The following ARID1B variants were observed in gnomAD, a reference collection of about 807,000 sequenced individuals.
ARID1B encodes the protein AT-rich interaction domain 1B, also known as AT-rich interactive domain-containing protein 1B.
A neutral mutation model predicts 212.3 loss-of-function variants in ARID1B; 30 were observed. That is an observed-to-expected ratio of 0.14 (90% confidence interval 0.11 to 0.19). The LOEUF (loss-of-function observed/expected upper bound fraction) is 0.19, where lower values mean the gene tolerates loss of function less well. Among genes scored for constraint, ARID1B ranks in the 10% least tolerant of loss-of-function variants. The pLI is 1.00. For missense variants in ARID1B, 2,891 were observed against 3,204.0 expected, an observed-to-expected ratio of 0.90 and a Z score of 2.36; for synonymous variants, 1,402 against 1,301.7, an observed-to-expected ratio of 1.08 and a Z score of -1.66.
rs754167205 is a variant in ARID1B at position 156,829,305 on chromosome 6, C to G, written c.1870C>G (p.Gln624Glu). The G allele has an allele frequency of 6.2e-7, 1 of 1,614,124 alleles. No homozygotes were observed. Among genetic ancestry groups the G allele is most frequent in the Non-Finnish European group, 8.5e-7 (1 of 1,180,050 alleles). The change falls in exon 2 of 20, where the codon CAG becomes GAG. Residue 624 changes from glutamine (Q) to glutamate (E), a missense_variant. Around this residue, in one of 7 missense-constraint regions of ARID1B, gnomAD observed 1,643 missense variants for 1,544.0 expected, o/e 1.06. Coordinates refer to ENST00000636930, the MANE Select transcript of ARID1B (RefSeq NM_001374828.1). ...MGSNPHSQPQ[Q>E]SSPYPGGSYG... ...CAGTAACCCTCATTCTCAGCCTCAG[C>G]AGAGCAGTCCGTACCCAGGAGGTTC...
chr6:156,867,737 A>AT (rs1785809680), intron 2 of ARID1B, among the ~76,000 whole-genome samples: 5 of 152,172 alleles, frequency 3.3e-5, no homozygotes, highest in Admixed American at 3.3e-4. Context: ...AAAAAATGTC[A>AT]TTTTACCTTA....
intron 4 of ARID1B, among the ~76,000 whole-genome samples, chr6:156,994,117 T>TC (rs1778436341): frequency 6.6e-6 from 1 of 152,190 alleles, no homozygotes; most frequent in Non-Finnish European, 1.5e-5. Context: ...GCTTTTTCCA[T>TC]AAGTACATTT....
chr6:156,790,310 G>A (rs1165826465), intron 1 of ARID1B, among the ~76,000 whole-genome samples: 1 of 152,188 alleles, frequency 6.6e-6, no homozygotes, highest in Non-Finnish European at 1.5e-5. Context: ...GAAAATATTT[G>A]TAAATTGTTA....
In ARID1B at chr6:157,196,238, A is replaced by G. The variant is rs367653751; in HGVS notation, c.4305A>G (p.Gln1435=). 15 of 1,613,364 alleles carry G rather than the reference A, an allele frequency of 9.3e-6. No homozygotes were observed. Among genetic ancestry groups the G allele is most frequent in the Non-Finnish European group, 1.3e-5 (15 of 1,179,846 alleles). ...PNSSMQDMYN[Q]SPSGAMSNLG... is the part of the protein sequence containing the mutation. ...GCAGCATGCAGGACATGTACAACCA[A>G]AGTCCCTCCGGAGCAATGTCTAACC... The change falls in exon 16 of 20, where the codon CAA becomes CAG. Residue 1435 remains glutamine, a synonymous_variant. Coordinates refer to ENST00000636930, the MANE Select transcript of ARID1B (RefSeq NM_001374828.1).
At chr6:157,024,980 C>T (rs924789264) in intron 4 of ARID1B, among the ~76,000 whole-genome samples, 27 of 152,296 alleles carry the variant, frequency 1.8e-4, no homozygotes, top group African/African-American at 6.0e-4. Context: ...CTTGTACAGA[C>T]GATTTCACCA....
At chr6:156,921,476 C>T (rs1562485904) in intron 3 of ARID1B, among the ~76,000 whole-genome samples, 2 of 146,346 alleles carry the variant, frequency 1.4e-5, no homozygotes, top group African/African-American at 5.4e-5. Context: ...CACACACACA[C>T]ACACACACAC....
chr6:157,016,178 T>A (rs1779908817), intron 4 of ARID1B, among the ~76,000 whole-genome samples: 1 of 152,230 alleles, frequency 6.6e-6, no homozygotes, highest in African/African-American at 2.4e-5. Context: ...CCCCTTTTAA[T>A]GCTTTGTGCT....
At chr6:156,889,191 A>C (rs1787741828) in intron 2 of ARID1B, among the ~76,000 whole-genome samples, 1 of 152,230 alleles carries the variant, frequency 6.6e-6, no homozygotes, top group African/African-American at 2.4e-5. Flanking sequence ...TACACTGGAA[A>C]TATGCTATTT....
chr6:157,105,645 A>C (rs1025232938), intron 5 of ARID1B, among the ~76,000 whole-genome samples: 18 of 152,178 alleles, frequency 1.2e-4, no homozygotes, highest in African/African-American at 4.1e-4. Flanking sequence ...TCTGTCGCCC[A>C]GGCTGGAGTG....
chr6:157,138,766 T>G lies in ARID1B; in HGVS notation c.2761+5559T>G, dbSNP rs565546307. Among the ~76,000 whole-genome samples, 127 of 152,094 alleles carry G rather than the reference T, an allele frequency of 8.4e-4. No homozygotes were observed. The South Asian group carries it at 1.0e-2, about 12-fold the overall frequency. On this transcript the variant is annotated intron_variant, in intron 7 of 19. Transcript: ENST00000636930. Reference sequence around the variant, plus strand: ...TGATGCACTTGATAAGGCCACAGCTTCTTCTTATCTTAACCTTGTTTTTTG... The same window carrying G: ...TGATGCACTTGATAAGGCCACAGCTGCTTCTTATCTTAACCTTGTTTTTTG...
At chr6:156,981,229 C>G (rs1006647009) in intron 4 of ARID1B, among the ~76,000 whole-genome samples, 3 of 152,114 alleles carry the variant, frequency 2.0e-5, no homozygotes, top group Non-Finnish European at 4.4e-5. Context: ...TGATTGATGT[C>G]TTTCTTTTGA....
At chr6:157,108,307 CTT>C (rs1359805024) in intron 5 of ARID1B, among the ~76,000 whole-genome samples, 1 of 152,156 alleles carries the variant, frequency 6.6e-6, no homozygotes. Flanking sequence ...TACTTACAGC[CTT>C]TTTTATTTCT....
chr6:156,913,020 T>C lies in ARID1B; in HGVS notation c.2136+11495T>C, dbSNP rs58399797. Among the ~76,000 whole-genome samples the C allele has an allele frequency of 0.01, 1,350 of 131,788 alleles. 149 individuals carry two copies. In the East Asian group the frequency reaches 0.24, roughly 23 times the overall value. 86.5% of individuals were successfully genotyped at this position (131,788 alleles called of 152,430 possible). On this transcript the variant is annotated intron_variant, in intron 3 of 19. Coordinates refer to ENST00000636930, the MANE Select transcript of ARID1B (RefSeq NM_001374828.1). Reference sequence around the variant, plus strand: ...TATTGAAATGGCTCTTTTCATACTTTCTTTTTTTTTTTTTTCACTTGCTTT... The same window carrying C: ...TATTGAAATGGCTCTTTTCATACTTCCTTTTTTTTTTTTTTCACTTGCTTT...
At chr6:156,848,871 T>A (rs1784401141) in intron 2 of ARID1B, among the ~76,000 whole-genome samples, 1 of 152,266 alleles carries the variant, frequency 6.6e-6, no homozygotes. Context: ...ACGAGTCATC[T>A]GATGGCAGTC....
chr6:156,962,770 A>G (rs1358668073), intron 4 of ARID1B, among the ~76,000 whole-genome samples: 3 of 152,118 alleles, frequency 2.0e-5, no homozygotes, highest in Admixed American at 6.6e-5. Flanking sequence ...GGTGTGAGCC[A>G]TCACACCTGG....
intron 4 of ARID1B, among the ~76,000 whole-genome samples, chr6:157,059,212 A>T (rs1056862308): frequency 6.6e-6 from 1 of 152,162 alleles, no homozygotes; most frequent in Non-Finnish European, 1.5e-5. Flanking sequence ...GGAAAATAGT[A>T]AATTGATGTA....
At chr6:156,958,419 A>G (rs569854470) in intron 4 of ARID1B, among the ~76,000 whole-genome samples, 39 of 152,376 alleles carry the variant, frequency 2.6e-4, no homozygotes, top group South Asian at 8.3e-4. Flanking sequence ...TACTCAGTCT[A>G]TAAACCTAAT....
chr6:156,946,939 A>T (rs1477647825), intron 4 of ARID1B, among the ~76,000 whole-genome samples: 1 of 152,238 alleles, frequency 6.6e-6, no homozygotes, highest in Non-Finnish European at 1.5e-5. Context: ...TTCTTTATAG[A>T]AGTAAAACAT....
intron 2 of ARID1B, among the ~76,000 whole-genome samples, chr6:156,861,169 CTG>C (rs1310449853): frequency 6.6e-6 from 1 of 152,076 alleles, no homozygotes; most frequent in East Asian, 1.9e-4. Flanking sequence ...CAACAGGACT[CTG>C]TGTGTTTGGT....
Sources: allele counts gnomAD v4.1 joint callset (sites outside exome capture counted in the v4.1 genomes callset), GRCh38; gene constraint gnomAD v4.1.1; regional missense constraint gnomAD v4.1.1; transcripts MANE v1.5; gene names NCBI Gene and HGNC (gene_info 2026-07-23, HGNC 2026-07-21).